GALNT13: variants seen among roughly 807,000 people sequenced by gnomAD.
The protein encoded by GALNT13 is polypeptide N-acetylgalactosaminyltransferase 13.
A neutral mutation model predicts 64.2 loss-of-function variants in GALNT13; 28 were observed. The observed-to-expected ratio is 0.44, with a 90% CI of 0.32 to 0.60. The LOEUF is 0.60. GALNT13 is among the 20% of genes least tolerant of loss of function. GALNT13 has a pLI of 0.05. For synonymous variants in GALNT13, 214 were observed against 224.6 expected (o/e 0.95, Z 0.42); for missense variants, 577 against 669.8 (o/e 0.86, Z 1.53).
chr2:154,398,365 T>C (rs2696025), intron 10 of GALNT13, among the ~76,000 whole-genome samples: 52,000 of 151,750 alleles, frequency 0.34, 9,294 homozygotes, highest in African/African-American at 0.45. Flanking sequence ...TGTAACAGAA[T>C]TAGATGTTTA....
chr2:153,396,512 A>G, the GALNT13 span, among the ~76,000 whole-genome samples: 5 of 151,878 alleles, frequency 3.3e-5, no homozygotes, highest in Non-Finnish European at 7.4e-5. Context: ...TTTTTGGTCT[A>G]TAAACATATG....
the GALNT13 span, among the ~76,000 whole-genome samples, chr2:153,472,106 T>C: frequency 6.6e-6 from 1 of 152,190 alleles, no homozygotes; most frequent in South Asian, 2.1e-4. Context: ...AGAGACACTC[T>C]GGATCCCAGA....
At chr2:154,343,087 T>C (rs531592777) in intron 9 of GALNT13, among the ~76,000 whole-genome samples, 1 of 151,940 alleles carries the variant, frequency 6.6e-6, no homozygotes, top group East Asian at 1.9e-4. Flanking sequence ...TGGATCTGGG[T>C]TTTACATCTG....
the GALNT13 span, among the ~76,000 whole-genome samples, chr2:153,550,069 T>C: frequency 6.6e-6 from 1 of 152,186 alleles, no homozygotes; most frequent in East Asian, 1.9e-4. Context: ...CTGAAAGACA[T>C]GGAGGTCATT....
At chr2:154,438,009 G>A (rs189440602) in intron 11 of GALNT13, among the ~76,000 whole-genome samples, 261 of 152,120 alleles carry the variant, frequency 1.7e-3, no homozygotes, top group African/African-American at 6.0e-3. Flanking sequence ...GATATTTTCA[G>A]AAGAATTGAT....
the GALNT13 span, among the ~76,000 whole-genome samples, chr2:153,216,214 T>C: frequency 5.3e-4 from 80 of 152,196 alleles, no homozygotes; most frequent in Middle Eastern, 3.4e-3. Context: ...AGTTTGTTTA[T>C]CCATTTTCCA....
At chr2:154,057,491 G>A (rs1201404450) in intron 3 of GALNT13, among the ~76,000 whole-genome samples, 1 of 152,036 alleles carries the variant, frequency 6.6e-6, no homozygotes, top group Non-Finnish European at 1.5e-5. Context: ...TAAGTGCTGG[G>A]GAAACTAAGG....
chr2:153,224,472 C>T, the GALNT13 span, among the ~76,000 whole-genome samples: 1 of 138,120 alleles, frequency 7.2e-6, no homozygotes, highest in Non-Finnish European at 1.6e-5. Context: ...CATGTACCCC[C>T]TGAATCTAAA....
At chr2:153,487,579 T>C in the GALNT13 span, among the ~76,000 whole-genome samples, 1 of 152,202 alleles carries the variant, frequency 6.6e-6, no homozygotes, top group South Asian at 2.1e-4. Flanking sequence ...AAAGCAATTA[T>C]GGTAGCCTGT....
chr2:153,256,124 C>G, the GALNT13 span, among the ~76,000 whole-genome samples: 2 of 152,128 alleles, frequency 1.3e-5, no homozygotes, highest in Non-Finnish European at 2.9e-5. Context: ...TAGATTTGGT[C>G]TTTTCACATA....
intron 2 of GALNT13, among the ~76,000 whole-genome samples, chr2:153,914,090 A>G (rs1689166113): frequency 1.3e-5 from 2 of 152,206 alleles, no homozygotes. Context: ...GTGAAGAAAG[A>G]TAGTATTACT....
rs1701877443 is a variant in GALNT13 at position 154,451,719 on chromosome 2, A to G, written c.*1168A>G. On this transcript the variant is annotated 3_prime_UTR_variant, in exon 13 of 13. Transcript: ENST00000392825. ...TTCTTTTCTCATCTTAAAACCCTTT[A>G]TGTTCAAAATACATTAGCAGAGGCC... 6.6e-6 allele frequency: 1 copy of G among 152,072 alleles called. No homozygotes were observed. The highest frequency in any genetic ancestry group is 6.6e-5 in the Admixed American group (1 of 15,218). 9.4% of individuals were successfully genotyped at this position (152,072 alleles called of 1,614,324 possible). A position where few individuals can be genotyped will look rare whatever the true frequency, so the allele number is the denominator to read the frequency against.
chr2:153,602,457 C>A, the GALNT13 span, among the ~76,000 whole-genome samples: 1 of 150,984 alleles, frequency 6.6e-6, no homozygotes, highest in Non-Finnish European at 1.5e-5. Flanking sequence ...AACTAGGAGA[C>A]CATATAATAC....
chr2:153,520,313 G>T, the GALNT13 span, among the ~76,000 whole-genome samples: 1 of 151,900 alleles, frequency 6.6e-6, no homozygotes, highest in Non-Finnish European at 1.5e-5. Context: ...GATCCTAATT[G>T]GTTGGGAAGG....
intron 1 of GALNT13, among the ~76,000 whole-genome samples, chr2:153,898,563 A>G (rs1164093556): frequency 6.6e-6 from 1 of 152,130 alleles, no homozygotes; most frequent in Non-Finnish European, 1.5e-5. Flanking sequence ...AGGCATGTCC[A>G]TGGTAAATGT....
At chr2:153,906,190 G>C (rs901352054) in intron 2 of GALNT13, among the ~76,000 whole-genome samples, 11 of 149,188 alleles carry the variant, frequency 7.4e-5, no homozygotes, top group African/African-American at 2.7e-4. Context: ...CCCATGTCTG[G>C]TTGTTTTTTT....
the GALNT13 span, among the ~76,000 whole-genome samples, chr2:153,217,796 T>C: frequency 7.6e-4 from 116 of 152,326 alleles, 1 homozygote; most frequent in Non-Finnish European, 1.4e-3. Flanking sequence ...ATATCTGTGT[T>C]ATACCTAAGT....
At chr2:153,581,703 C>T in the GALNT13 span, among the ~76,000 whole-genome samples, 16 of 136,372 alleles carry the variant, frequency 1.2e-4, no homozygotes. Context: ...ATTAATTAAT[C>T]TATGTATTTA....
chr2:153,717,631 C>T, the GALNT13 span, among the ~76,000 whole-genome samples: 1 of 152,096 alleles, frequency 6.6e-6, no homozygotes, highest in Non-Finnish European at 1.5e-5. Context: ...AATTTTAAAT[C>T]TTCTACATAT....
Sources: gnomAD v4.1 joint callset for allele counts (sites outside exome capture counted in the v4.1 genomes callset) on GRCh38, gnomAD v4.1.1 for gene constraint, MANE v1.5 for transcripts, NCBI Gene and HGNC (gene_info 2026-07-23, HGNC 2026-07-21) for gene names.